CELSR3: variants seen among roughly 807,000 people sequenced by gnomAD.
CELSR3 encodes cadherin EGF LAG seven-pass G-type receptor 3, also known as EGF-like protein 1.
CELSR3 carries 73 observed loss-of-function variants against 270.0 expected under a neutral mutation model. The observed-to-expected ratio is 0.27, with a 90% CI of 0.22 to 0.33. The LOEUF (loss-of-function observed/expected upper bound fraction) is 0.33. Ranked by LOEUF, CELSR3 falls within the 10% of genes least tolerant of loss-of-function variation. The pLI, the probability that CELSR3 is intolerant of heterozygous loss-of-function variation, is 1.00. For missense variants in CELSR3, 3,614 were observed against 4,533.8 expected (o/e 0.80, Z 5.83); for synonymous variants, 1,780 against 1,905.4 (o/e 0.93, Z 1.71).
rs1181157801 is a variant in CELSR3 at position 48,652,341 on chromosome 3, C to T, written c.5751+96G>A. ...TGGGTCATTCACCCCCTCGCACCAA[C>T]CCCCACTTGAATACTGCCTTTCAGG... is the stretch of plus-strand genomic sequence containing the variant. On this transcript the variant is annotated intron_variant, in intron 11 of 34. Transcript: ENST00000164024. The surrounding 1 kb of genome is among the most constrained non-coding windows in gnomAD (Gnocchi z 4.3). 9.7e-7 allele frequency: 1 copy of T among 1,026,664 alleles called. No homozygotes were observed. Among genetic ancestry groups the T allele is most frequent in the Non-Finnish European group, 1.5e-6 (1 of 649,156 alleles). The allele number at this position is 1,026,664 out of a possible 1,614,324, so 63.6% of individuals were successfully genotyped here.
intron 2 of CELSR3, 45 bp downstream of exon 2, chr3:48,656,653 C>G: frequency 6.9e-7 from 1 of 1,449,606 alleles, no homozygotes. Flanking sequence ...CCGCCCCCAG[C>G]CTTGGCCCGT....
At position 48,645,923 on chromosome 3, in the gene CELSR3, G is replaced by A; in HGVS notation, c.7464-55C>T. 9 of 1,578,702 alleles carry A rather than the reference G, an allele frequency of 5.7e-6. No homozygotes were observed. Among genetic ancestry groups the A allele is most frequent in the South Asian group, 1.1e-5 (1 of 89,222 alleles). ...GTGACCCAGTGTCAGGCAGGGGTTTGTGAGAGATCATGGGAAGGGCTGAGG... is the reference window on the plus strand; with the variant it reads ...GTGACCCAGTGTCAGGCAGGGGTTTATGAGAGATCATGGGAAGGGCTGAGG... On this transcript the variant is annotated intron_variant, in intron 22 of 34. Coordinates refer to ENST00000164024, the MANE Select transcript of CELSR3 (RefSeq NM_001407.3). This position sits in a 1 kb window ranked among gnomAD's most constrained non-coding sequence, Gnocchi z 5.4.
chr3:48,642,367 G>A lies in CELSR3; in HGVS notation c.8656C>T (p.Arg2886Ter). 1 of 1,612,664 alleles carries A rather than the reference G, an allele frequency of 6.2e-7. No homozygotes were observed. The highest frequency in any genetic ancestry group is 1.7e-4 in the Middle Eastern group (1 of 6,048). Residue 2886 changes from arginine (R) to a stop codon, truncating the protein, a stop_gained, in exon 31 of 35, where the codon CGA becomes TGA. Transcript: ENST00000164024. LOFTEE classifies it high-confidence loss of function. This position sits in a 1 kb window ranked among gnomAD's most constrained non-coding sequence, Gnocchi z 6.1. ...CAGGCCCCAACTCCACCAGCATCTC[G>A]ATGGAACATGGCCACGTCCAGGTCA... Reference protein sequence around the residue: ...PTDLDVAMFHRDAGADSDSDS... With the variant: ...PTDLDVAMFH
At position 48,659,923 on chromosome 3, in the gene CELSR3, G is replaced by A. The variant is rs1477507075; in HGVS notation, c.2712C>T (p.Phe904=). The part of the protein sequence containing the change: ...TYLLEDNLPQ[F]RIDADSGAIT... The stretch of plus-strand genomic sequence containing the variant: ...TGGCTCCTGAGTCTGCATCAATGCG[G>A]AACTGGGGCAGGTTGTCCTCCAGGA... Residue 904 remains phenylalanine (F), a synonymous_variant, in exon 1 of 35, where the codon TTC becomes TTT. Transcript: ENST00000164024. This position sits in a 1 kb window ranked among gnomAD's most constrained non-coding sequence, Gnocchi z 8.1. 11 of 1,614,212 alleles carry A rather than the reference G, an allele frequency of 6.8e-6. No individual in the cohort carries two copies. Among genetic ancestry groups the A allele is most frequent in the Non-Finnish European group, 9.3e-6 (11 of 1,180,036 alleles).
intron 19 of CELSR3, 28 bp downstream of exon 19, chr3:48,648,238 G>GGGGC: frequency 7.4e-7 from 1 of 1,342,630 alleles, no homozygotes; most frequent in Non-Finnish European, 1.1e-6. Context: ...CCCCTGCTGT[G>GGGGC]CCCCGCCCTA....
rs1295386294 is a variant in CELSR3, at chr3:48,661,478, C to A, written c.1157G>T (p.Arg386Leu). 4 of 1,603,960 alleles carry A rather than the reference C, an allele frequency of 2.5e-6. No individual in the cohort carries two copies. The highest frequency in any genetic ancestry group is 2.2e-5 in the East Asian group (1 of 44,706). Reference protein sequence around the residue: ...FSIDPQSGLIRTAAALDRESM... With the variant: ...FSIDPQSGLILTAAALDRESM... The stretch of plus-strand genomic sequence containing the variant: ...CTCGCGGTCCAGAGCTGCCGCCGTA[C>A]GGATAAGGCCGCTCTGCGGGTCGAT... Residue 386 changes from arginine (R) to leucine (L), a missense_variant, in exon 1 of 35, where the codon CGT becomes CTT. Physicochemically the swap from Arg to Leu is moderately radical, Grantham distance 102. Transcript: ENST00000164024.
rs1217061618 is a variant in CELSR3, at chr3:48,641,607, C to T, written c.8825-83G>A. On this transcript the variant is annotated intron_variant, in intron 32 of 34. Transcript: ENST00000164024. This position sits in a 1 kb window ranked among gnomAD's most constrained non-coding sequence, Gnocchi z 4.8. ...CCTGACCCTAATGACCCTTGAAACC[C>T]TGGCTGTTCTCATTGAGCAGAGGTG... 2.8e-6 allele frequency: 3 copies of T among 1,088,304 alleles called. No individual in the cohort carries two copies. The highest frequency in any genetic ancestry group is 4.1e-6 in the Non-Finnish European group (3 of 734,828). The allele number at this position is 1,088,304 out of a possible 1,614,324, so 67.4% of individuals were successfully genotyped here. A position where few individuals can be genotyped will look rare whatever the true frequency, so the allele number is the denominator to read the frequency against.
In CELSR3 at chr3:48,637,605, C is replaced by T. The variant is rs2046983871; in HGVS notation, c.*600G>A. 1 of 154,404 alleles carries T rather than the reference C, an allele frequency of 6.5e-6. No individual in the cohort carries two copies. The highest frequency in any genetic ancestry group is 1.4e-5 in the Non-Finnish European group (1 of 69,216). 9.6% of individuals were successfully genotyped at this position (154,404 alleles called of 1,614,324 possible). On this transcript the variant is annotated 3_prime_UTR_variant, in exon 35 of 35. Transcript: ENST00000164024. ...AGGGACTCCACATAATAAACACACA[C>T]ATCCACCAGGAGGGGCGGTATGAGC...
chr3:48,657,005 C>A lies in CELSR3; in HGVS notation c.4092G>T (p.Ala1364=), dbSNP rs781063215. 1 of 1,613,186 alleles carries A rather than the reference C, an allele frequency of 6.2e-7. No homozygotes were observed. Among genetic ancestry groups the A allele is most frequent in the East Asian group, 2.2e-5 (1 of 44,876 alleles). Residue 1364 remains alanine, a synonymous_variant, in exon 2 of 35, where the codon GCG becomes GCT. Transcript: ENST00000164024. The surrounding 1 kb of genome is among the most constrained non-coding windows in gnomAD (Gnocchi z 5.4). ...EQLYVRRAAL[A]ARSLLDVLPF... ...GCAGTACGTCGAGCAGGGAGCGAGC[C>A]GCCAGCGCCGCCCGGCGCACGTACA...
Position 48,642,862 on chromosome 3 carries a change from G to T in CELSR3, c.8429C>A (p.Thr2810Lys). 6.2e-7 allele frequency: 1 copy of T among 1,613,206 alleles called. No homozygotes were observed. The highest frequency in any genetic ancestry group is 8.5e-7 in the Non-Finnish European group (1 of 1,179,932). ...GAGGCCACTCTCCTCAAAGAGAGCC[G>T]TGTTGTTGTAGGCCCCAGGTCCCTG... The part of the protein sequence containing the change: ...PGLGPGAYNN[T>K]ALFEESGLIR... The change falls in exon 30 of 35, where the codon ACG (threonine) becomes AAG (lysine). Residue 2810 changes from threonine to lysine, a missense_variant. Physicochemically the swap from Thr to Lys is moderately conservative, Grantham distance 78. Transcript: ENST00000164024. The surrounding 1 kb of genome is among the most constrained non-coding windows in gnomAD (Gnocchi z 6.1).
At position 48,655,400 on chromosome 3, in the gene CELSR3, G is replaced by T; in HGVS notation, c.4742-6C>A. 6.2e-7 allele frequency: 1 copy of T among 1,613,968 alleles called. No homozygotes were observed. The highest frequency in any genetic ancestry group is 1.1e-5 in the South Asian group (1 of 91,076). ...GACCACGGTGTTGGATTCACCTGGA[G>T]GGGAGATGCATGTGGAATCATCAGG... On this transcript the variant is annotated splice_polypyrimidine_tract_variant and splice_region_variant and intron_variant, in intron 4 of 34. Transcript: ENST00000164024. This position sits in a 1 kb window ranked among gnomAD's most constrained non-coding sequence, Gnocchi z 5.8.
chr3:48,658,229 C>T lies in CELSR3; in HGVS notation c.3748+658G>A, dbSNP rs1344006678. Among the ~76,000 whole-genome samples, 2 of 152,198 alleles carry T rather than the reference C, an allele frequency of 1.3e-5. No individual in the cohort carries two copies. The highest frequency in any genetic ancestry group is 1.3e-4 in the Admixed American group (2 of 15,288). ...CTGCTCCAGAACTGAGGAATGAGCA[C>T]CAGTGAAGCCTATTTCCCAACCTCT... is the stretch of plus-strand genomic sequence containing the variant. On this transcript the variant is annotated intron_variant, in intron 1 of 34. Coordinates refer to ENST00000164024, the MANE Select transcript of CELSR3 (RefSeq NM_001407.3). This position sits in a 1 kb window ranked among gnomAD's most constrained non-coding sequence, Gnocchi z 4.7.
In CELSR3 at chr3:48,651,300, T is replaced by C. The variant is rs2047135036; in HGVS notation, c.6186+59A>G. ...AGTCAGGTGGCGGAGGTCAGCAAGC[T>C]GGACAGGAATTGCAGATTGCGTCCA... is the stretch of plus-strand genomic sequence containing the variant. On this transcript the variant is annotated intron_variant, in intron 14 of 34. Transcript: ENST00000164024. This position sits in a 1 kb window ranked among gnomAD's most constrained non-coding sequence, Gnocchi z 7.4. The C allele has an allele frequency of 6.2e-7, 1 of 1,601,760 alleles. No homozygotes were observed. Among genetic ancestry groups the C allele is most frequent in the Non-Finnish European group, 8.5e-7 (1 of 1,171,132 alleles).
chr3:48,642,325 C>A lies in CELSR3; in HGVS notation c.8665+33G>T. On this transcript the variant is annotated intron_variant, in intron 31 of 34. Coordinates refer to ENST00000164024, the MANE Select transcript of CELSR3 (RefSeq NM_001407.3). The surrounding 1 kb of genome is among the most constrained non-coding windows in gnomAD (Gnocchi z 6.1). The stretch of plus-strand genomic sequence containing the variant: ...AAGGGGATGGGGAGAGATCCTCTGC[C>A]TCCCTCCTCCCTGCCCCAGGCCCCA... 1 of 1,588,760 alleles carries A rather than the reference C, an allele frequency of 6.3e-7. No homozygotes were observed. The highest frequency in any genetic ancestry group is 1.1e-5 in the South Asian group (1 of 89,300).
Position 48,644,254 on chromosome 3 carries a change from G to A in CELSR3, c.8127C>T (p.Cys2709=). 6.2e-7 allele frequency: 1 copy of A among 1,613,214 alleles called. No homozygotes were observed. Among genetic ancestry groups the A allele is most frequent in the Non-Finnish European group, 8.5e-7 (1 of 1,179,938 alleles). ...TCTTGGCCTCCCTCTGCCCTGTGGA[G>A]CAGGATGTGCGGGCAGCGAGGAGAA... The part of the protein sequence containing the change: ...TMFLLAARTS[C]STGQREAKKT... Residue 2709 remains cysteine, a synonymous_variant, in exon 27 of 35, where the codon TGC becomes TGT. Transcript: ENST00000164024. The surrounding 1 kb of genome is among the most constrained non-coding windows in gnomAD (Gnocchi z 4.8).
chr3:48,662,621 C>T lies in CELSR3; in HGVS notation c.14G>A (p.Arg5Gln). MMAR[R>Q]PPWRGLGGRS... ...TCCCCCGAGGCCCCGCCACGGCGGCCGCCTCGCCATCATCCCCCGCCTCCC... is the reference window on the plus strand; with the variant it reads ...TCCCCCGAGGCCCCGCCACGGCGGCTGCCTCGCCATCATCCCCCGCCTCCC... The change falls in exon 1 of 35, where the codon CGG (arginine) becomes CAG (glutamine). Residue 5 changes from arginine to glutamine, a missense_variant. By Grantham distance (43) the Arg-to-Gln change is conservative (BLOSUM62 1). Coordinates refer to ENST00000164024, the MANE Select transcript of CELSR3 (RefSeq NM_001407.3). The surrounding 1 kb of genome is among the most constrained non-coding windows in gnomAD (Gnocchi z 7.1). 7.0e-7 allele frequency: 1 copy of T among 1,424,450 alleles called. No homozygotes were observed. The highest frequency in any genetic ancestry group is 9.3e-7 in the Non-Finnish European group (1 of 1,073,496). 88.2% of individuals were successfully genotyped at this position (1,424,450 alleles called of 1,614,324 possible). A position where few individuals can be genotyped will look rare whatever the true frequency, so the allele number is the denominator to read the frequency against.
chr3:48,656,464 C>G, intron 2 of CELSR3, 99 bp from the exon 3 acceptor site: 1 of 1,220,684 alleles, frequency 8.2e-7, no homozygotes, highest in Non-Finnish European at 1.1e-6. Flanking sequence ...GCCAAGACCC[C>G]CGAAAGGTCG....
Position 48,638,149 on chromosome 3 carries a change from T to C in CELSR3, c.*56A>G. Reference sequence around the variant, plus strand: ...CTGCCCCCACTCCTGGAGTCTCTCCTGTTAGCCTAGATCCTCTGTCGCCCT... The same window carrying C: ...CTGCCCCCACTCCTGGAGTCTCTCCCGTTAGCCTAGATCCTCTGTCGCCCT... On this transcript the variant is annotated 3_prime_UTR_variant, in exon 35 of 35. Transcript: ENST00000164024. 1.3e-6 allele frequency: 2 copies of C among 1,534,564 alleles called. No homozygotes were observed. The highest frequency in any genetic ancestry group is 1.1e-5 in the South Asian group (1 of 89,358).
In CELSR3 at chr3:48,641,831, G is replaced by T. The variant is rs1316188788; in HGVS notation, c.8824+20C>A. On this transcript the variant is annotated intron_variant, in intron 32 of 34. Transcript: ENST00000164024. This position sits in a 1 kb window ranked among gnomAD's most constrained non-coding sequence, Gnocchi z 4.8. ...TGGGGCATCCCTTGGTCACCCAAGG[G>T]GTCAGAGGGCGCCTGGCACCTTTGG... The T allele has an allele frequency of 1.4e-6, 2 of 1,447,584 alleles. No individual in the cohort carries two copies. The highest frequency in any genetic ancestry group is 2.9e-5 in the African/African-American group (2 of 70,096). 89.7% of individuals were successfully genotyped at this position (1,447,584 alleles called of 1,614,324 possible). A position where few individuals can be genotyped will look rare whatever the true frequency, so the allele number is the denominator to read the frequency against.
Sources: allele counts gnomAD v4.1 joint callset (sites outside exome capture counted in the v4.1 genomes callset), GRCh38; gene constraint gnomAD v4.1.1; non-coding constraint Gnocchi (gnomAD v3.1); transcripts MANE v1.5; gene names NCBI Gene and HGNC (gene_info 2026-07-23, HGNC 2026-07-21).